The following FAM186B variants were observed in gnomAD, a reference collection of about 807,000 sequenced individuals.
The protein encoded by FAM186B is protein FAM186B.
FAM186B carries 68 observed loss-of-function variants against 83.4 expected under a neutral mutation model. The ratio of observed to expected loss-of-function variants is 0.81; its 90% CI spans 0.67 to 1.00. The LOEUF is 1.00. Ranked by LOEUF, FAM186B falls within the 50% of genes least tolerant of loss-of-function variation. The pLI, the probability that FAM186B is intolerant of heterozygous loss-of-function variation, is 0.00. For missense variants in FAM186B, 983 were observed against 1,099.2 expected (o/e 0.89, Z 1.49); for synonymous variants, 389 against 422.0 (o/e 0.92, Z 0.96).
chr12:49,594,323 T>C (rs1939661092), intron 5 of FAM186B: 3 of 178,390 alleles, frequency 1.7e-5, no homozygotes, highest in Middle Eastern at 2.5e-3. Flanking sequence ...ATGTTTCTCA[T>C]TGTTGTATAG....
At chr12:49,614,913 G>A in the FAM186B span, among the ~76,000 whole-genome samples, 5 of 152,166 alleles carry the variant, frequency 3.3e-5, no homozygotes, top group Admixed American at 6.5e-5. Context: ...GGCGGATCAC[G>A]AGGTCTGGAG....
chr12:49,615,489 C>T, the FAM186B span, among the ~76,000 whole-genome samples: 1 of 152,142 alleles, frequency 6.6e-6, no homozygotes, highest in Non-Finnish European at 1.5e-5. Flanking sequence ...ACACACATCA[C>T]GAAAGAAGTT....
chr12:49,597,888 C>T (rs756247811), intron 5 of FAM186B, among the ~76,000 whole-genome samples: 18 of 152,102 alleles, frequency 1.2e-4, no homozygotes, highest in Admixed American at 6.6e-4. Flanking sequence ...GGTGAAACCC[C>T]GTCTCTACTA....
Position 49,600,401 on chromosome 12 carries a change from A to C in FAM186B, c.1239T>G (p.Leu413=). The change falls in exon 4 of 7, where the codon CTT becomes CTG. Residue 413 remains leucine (L), a synonymous_variant. Coordinates refer to ENST00000257894, the MANE Select transcript of FAM186B (RefSeq NM_032130.3). This position sits in a 1 kb window ranked among gnomAD's most constrained non-coding sequence, Gnocchi z 4.3. The part of the protein sequence containing the change: ...DVFGSKDTES[L]EPVLLPLVDR... ...CTACTAAGGGTAAAAGCACAGGCTC[A>C]AGGCTCTCAGTGTCCTTGCTGCCGA... 3.7e-6 allele frequency: 6 copies of C among 1,614,084 alleles called. No homozygotes were observed. Among genetic ancestry groups the C allele is most frequent in the Non-Finnish European group, 5.1e-6 (6 of 1,179,974 alleles).
chr12:49,588,996 C>A (rs1311057315), intron 5 of FAM186B, among the ~76,000 whole-genome samples: 1 of 152,148 alleles, frequency 6.6e-6, no homozygotes, highest in Non-Finnish European at 1.5e-5. Context: ...TTTCGTCCAG[C>A]CCCAGCCCTG....
Position 49,604,445 on chromosome 12 carries a change from CA to C in FAM186B, c.189del (p.Asn63LysfsTer29). The C allele has an allele frequency of 6.2e-7, 1 of 1,614,218 alleles. No individual in the cohort carries two copies. The highest frequency in any genetic ancestry group is 8.5e-7 in the Non-Finnish European group (1 of 1,180,032). On this transcript the variant is annotated frameshift_variant, in exon 2 of 7. Transcript: ENST00000257894. LOFTEE classifies it high-confidence loss of function. The part of the protein sequence containing the change: ...QEELGYDLKE[N>X]AKSQQRDPKG... Reference sequence around the variant, plus strand: ...TTTGGATCTCTCTGCTGAGATTTGGCATTTTCTTTTAAATCATATCCTAATT... The same window carrying C: ...TTTGGATCTCTCTGCTGAGATTTGGCTTTTCTTTTAAATCATATCCTAATT...
intron 3 of FAM186B, among the ~76,000 whole-genome samples, chr12:49,602,052 C>A (rs1939907487): frequency 6.6e-6 from 1 of 152,118 alleles, no homozygotes; most frequent in Non-Finnish European, 1.5e-5. Context: ...TTGCCTTGGG[C>A]AATTTTCCTA....
At chr12:49,612,855 G>C in the FAM186B span, among the ~76,000 whole-genome samples, 1 of 152,000 alleles carries the variant, frequency 6.6e-6, no homozygotes, top group East Asian at 1.9e-4. Flanking sequence ...AGAAATTCAG[G>C]ACTTAAATTC....
At position 49,599,553 on chromosome 12, in the gene FAM186B, G is replaced by T. The variant is rs773566147; in HGVS notation, c.2087C>A (p.Thr696Asn). Residue 696 changes from threonine (T) to asparagine (N), a missense_variant, in exon 4 of 7, where the codon ACC becomes AAC. Physicochemically the swap from Thr to Asn is moderately conservative, Grantham distance 65. Coordinates refer to ENST00000257894, the MANE Select transcript of FAM186B (RefSeq NM_032130.3). The stretch of plus-strand genomic sequence containing the variant: ...CGCGCCCAGCTCCATGGTGGTGGTG[G>T]TGAGCTCCAGTGCTTTGCTGCGCAG... ...HYLRSKALEL[T>N]TTTMELGALR... The T allele has an allele frequency of 1.2e-5, 19 of 1,610,730 alleles. No individual in the cohort carries two copies. Among genetic ancestry groups the T allele is most frequent in the Non-Finnish European group, 1.1e-5 (13 of 1,178,490 alleles).
intron 4 of FAM186B, 95 bp from the exon 5 acceptor site, chr12:49,599,042 T>A: frequency 1.5e-6 from 2 of 1,309,192 alleles, no homozygotes; most frequent in Non-Finnish European, 2.1e-6. Context: ...TTTAATTCCT[T>A]AGAGCAAAAA....
chr12:49,585,500 A>C (rs1247836602), downstream of FAM186B, among the ~76,000 whole-genome samples: 1 of 152,236 alleles, frequency 6.6e-6, no homozygotes. Flanking sequence ...GCTGAAAAAA[A>C]TCTCAGAGAA....
chr12:49,615,994 C>T, the FAM186B span, among the ~76,000 whole-genome samples: 115 of 150,764 alleles, frequency 7.6e-4, 1 homozygote, highest in Admixed American at 4.7e-3. Context: ...GGTATATTGC[C>T]GGTGGGAATG....
upstream of FAM186B, among the ~76,000 whole-genome samples, chr12:49,607,775 C>A (rs1013701049): frequency 5.3e-5 from 8 of 152,178 alleles, no homozygotes; most frequent in African/African-American, 1.9e-4. Context: ...TCTCGGCTCA[C>A]TGCAACCTCC....
At chr12:49,593,837 C>G (rs1467252612) in intron 5 of FAM186B, among the ~76,000 whole-genome samples, 1 of 152,036 alleles carries the variant, frequency 6.6e-6, no homozygotes, top group African/African-American at 2.4e-5. Flanking sequence ...GTCAAATTTT[C>G]AAGAGTACAT....
rs1315689966 is a variant in FAM186B at position 49,600,298 on chromosome 12, A to G, written c.1342T>C (p.Phe448Leu). The change falls in exon 4 of 7, where the codon TTC (phenylalanine) becomes CTC (leucine). Residue 448 changes from phenylalanine to leucine, a missense_variant. By Grantham distance (22) the Phe-to-Leu change is conservative. Coordinates refer to ENST00000257894, the MANE Select transcript of FAM186B (RefSeq NM_032130.3). This position sits in a 1 kb window ranked among gnomAD's most constrained non-coding sequence, Gnocchi z 4.3. ...TTAATTTGGAGTCCTCCCTTCTGGA[A>G]GTAGTCCTCCTGGTCTTTGTCTTTG... The part of the protein sequence containing the change: ...GHKDKDQEDY[F>L]QKGGLQIKFH... 1.2e-6 allele frequency: 2 copies of G among 1,614,074 alleles called. No homozygotes were observed. The highest frequency in any genetic ancestry group is 1.3e-5 in the African/African-American group (1 of 74,920).
At chr12:49,596,482 C>CT (rs1405293325) in intron 5 of FAM186B, among the ~76,000 whole-genome samples, 1 of 146,768 alleles carries the variant, frequency 6.8e-6, no homozygotes, top group Non-Finnish European at 1.5e-5. Context: ...AACTTGATGT[C>CT]TTTAAAAAAA....
At chr12:49,594,836 C>T (rs2138266197) in intron 5 of FAM186B, among the ~76,000 whole-genome samples, 1 of 151,616 alleles carries the variant, frequency 6.6e-6, no homozygotes, top group East Asian at 1.9e-4. Context: ...GATAGCACAA[C>T]TGCACTCCAG....
At chr12:49,622,145 T>C in the FAM186B span, among the ~76,000 whole-genome samples, 1 of 152,336 alleles carries the variant, frequency 6.6e-6, no homozygotes, top group Non-Finnish European at 1.5e-5. Context: ...TGCGCTGGCA[T>C]CGCGGCAGCC....
At chr12:49,583,086 C>A (rs1939369994), downstream of FAM186B, 1 of 456,266 alleles carries the variant, frequency 2.2e-6, no homozygotes, top group South Asian at 1.5e-5. Flanking sequence ...AGCCACCAGG[C>A]CCCTTAAGCA....
Sources: gnomAD v4.1 joint callset for allele counts (sites outside exome capture counted in the v4.1 genomes callset) on GRCh38, gnomAD v4.1.1 for gene constraint, Gnocchi (gnomAD v3.1) non-coding constraint, MANE v1.5 for transcripts, NCBI Gene and HGNC (gene_info 2026-07-23, HGNC 2026-07-21) for gene names.